The following IFT43 variants were observed in gnomAD, a reference collection of about 807,000 sequenced individuals.
IFT43 encodes intraflagellar transport protein 43 homolog.
IFT43 carries 33 observed loss-of-function variants against 32.3 expected under a neutral mutation model. That is an observed-to-expected ratio of 1.02 (90% CI 0.77 to 1.37). The LOEUF is 1.37. Among genes scored for constraint, IFT43 ranks in the 40% most tolerant of loss-of-function variants. The pLI is 0.00. For missense variants in IFT43, 274 were observed against 265.9 expected, an observed-to-expected ratio of 1.03 and a Z score of -0.21; for synonymous variants, 93 against 98.2, an observed-to-expected ratio of 0.95 and a Z score of 0.31.
chr14:76,000,431 ATT>A (rs530537491), intron 2 of IFT43, among the ~76,000 whole-genome samples: 6 of 143,950 alleles, frequency 4.2e-5, no homozygotes, highest in Admixed American at 7.0e-5. Flanking sequence ...CGCCAGGCTA[ATT>A]TTTTTTTTTT....
chr14:76,063,955 A>T (rs1042375678), intron 5 of IFT43, among the ~76,000 whole-genome samples: 1 of 152,322 alleles, frequency 6.6e-6, no homozygotes, highest in East Asian at 1.9e-4. Context: ...ACTCTGTAGG[A>T]ACTGAGGACC....
chr14:76,044,945 A>G (rs532017323), intron 3 of IFT43, among the ~76,000 whole-genome samples: 1 of 152,306 alleles, frequency 6.6e-6, no homozygotes, highest in South Asian at 2.1e-4. Flanking sequence ...ATTGTAATAC[A>G]GTATATAGCA....
rs1411294288 is a variant in IFT43 at position 75,996,047 on chromosome 14, G to A, written c.147+7070G>A. On this transcript the variant is annotated intron_variant, in intron 2 of 8. Transcript: ENST00000314067. Reference sequence around the variant, plus strand: ...AGCACTGGCTCTGGCTTTGTCAAATGCTCTTGAAGTGCCCCAGGAAAACAT... The same window carrying A: ...AGCACTGGCTCTGGCTTTGTCAAATACTCTTGAAGTGCCCCAGGAAAACAT... Among the ~76,000 whole-genome samples, 27 of 152,192 alleles carry A rather than the reference G, an allele frequency of 1.8e-4. 1 individual carries two copies. The highest frequency in any genetic ancestry group is 1.8e-3 in the Admixed American group (27 of 15,276).
At chr14:76,060,444 C>T (rs1165726451) in intron 5 of IFT43, among the ~76,000 whole-genome samples, 3 of 152,134 alleles carry the variant, frequency 2.0e-5, no homozygotes, top group Non-Finnish European at 4.4e-5. Context: ...GTCTCTAACA[C>T]CTGACCTCAA....
chr14:76,045,226 G>T (rs2036784068), intron 3 of IFT43, among the ~76,000 whole-genome samples: 1 of 152,164 alleles, frequency 6.6e-6, no homozygotes, highest in Non-Finnish European at 1.5e-5. Flanking sequence ...TGTGGAGAGG[G>T]TCTGCTCATC....
At chr14:76,011,424 A>T (rs1423458561) in intron 2 of IFT43, among the ~76,000 whole-genome samples, 1 of 152,216 alleles carries the variant, frequency 6.6e-6, no homozygotes, top group Non-Finnish European at 1.5e-5. Context: ...GGGTGGTGTC[A>T]TGTGTTTCAA....
At chr14:76,079,999 C>T (rs1174131796) in intron 5 of IFT43, among the ~76,000 whole-genome samples, 2 of 152,182 alleles carry the variant, frequency 1.3e-5, no homozygotes, top group African/African-American at 2.4e-5. Context: ...ATTATGTGCT[C>T]ATGAGCACTT....
intron 3 of IFT43, among the ~76,000 whole-genome samples, chr14:76,052,236 T>G (rs1339874085): frequency 6.6e-6 from 1 of 152,254 alleles, no homozygotes; most frequent in East Asian, 1.9e-4. Context: ...GCATCCTGGC[T>G]GTTCTCTGAG....
rs2140099474 is a variant in IFT43 at position 76,082,369 on chromosome 14, T to A, written c.368+2T>A. On this transcript the variant is annotated splice_donor_variant, in intron 6 of 8. Coordinates refer to ENST00000314067, the MANE Select transcript of IFT43 (RefSeq NM_001102564.3). LOFTEE classifies it high-confidence loss of function. ...TTTGCAGGTGGCAGCCCCTCCCAGG[T>A]AGGTTAAATCAGATATGATTGGGGA... 7.0e-6 allele frequency: 11 copies of A among 1,582,510 alleles called. No homozygotes were observed. The highest frequency in any genetic ancestry group is 9.6e-6 in the Non-Finnish European group (11 of 1,151,180).
intron 3 of IFT43, among the ~76,000 whole-genome samples, chr14:76,045,079 T>TG (rs2140017383): frequency 6.6e-6 from 1 of 152,356 alleles, no homozygotes; most frequent in East Asian, 1.9e-4. Context: ...AACACCCACA[T>TG]TGTTCAAGGG....
intron 2 of IFT43, among the ~76,000 whole-genome samples, chr14:75,997,731 T>C (rs1190592430): frequency 6.6e-6 from 1 of 150,388 alleles, no homozygotes; most frequent in East Asian, 2.0e-4. Flanking sequence ...AGAATTCTAT[T>C]AGAAAATAAA....
intron 5 of IFT43, among the ~76,000 whole-genome samples, chr14:76,062,898 A>G (rs1165951351): frequency 7.8e-6 from 1 of 128,632 alleles, no homozygotes; most frequent in East Asian, 2.3e-4. Context: ...AGCCTGGGCA[A>G]CAGAGTGAGA....
At chr14:76,005,170 A>G (rs1033340303) in intron 2 of IFT43, among the ~76,000 whole-genome samples, 2 of 152,240 alleles carry the variant, frequency 1.3e-5, no homozygotes, top group Admixed American at 6.5e-5. Flanking sequence ...ATTGTAGATG[A>G]AAAATTACAG....
chr14:76,074,075 G>A (rs1008037771), intron 5 of IFT43, among the ~76,000 whole-genome samples: 3 of 152,042 alleles, frequency 2.0e-5, no homozygotes, highest in Non-Finnish European at 4.4e-5. Context: ...TATATATAAG[G>A]AAAAATACAA....
At chr14:76,036,459 G>A (rs1290393833) in intron 3 of IFT43, among the ~76,000 whole-genome samples, 12 of 125,294 alleles carry the variant, frequency 9.6e-5, no homozygotes, top group African/African-American at 2.8e-4. Context: ...AGCCTATAAT[G>A]CAGTGGTGTG....
At chr14:76,057,492 A>G (rs1184698994) in intron 3 of IFT43, among the ~76,000 whole-genome samples, 1 of 152,168 alleles carries the variant, frequency 6.6e-6, no homozygotes, top group African/African-American at 2.4e-5. Context: ...TGGCCTCCCA[A>G]AGTATTAGAA....
At chr14:76,062,627 G>A (rs372195970) in intron 5 of IFT43, among the ~76,000 whole-genome samples, 29 of 152,104 alleles carry the variant, frequency 1.9e-4, no homozygotes, top group Non-Finnish European at 3.7e-4. Context: ...TTGAAAATGC[G>A]TTAAGTCAGT....
chr14:76,047,641 C>T (rs1311455301), intron 3 of IFT43, among the ~76,000 whole-genome samples: 3 of 151,796 alleles, frequency 2.0e-5, no homozygotes, highest in Admixed American at 6.6e-5. Flanking sequence ...TTTGTTTTGC[C>T]TAAAAGTAAT....
intron 3 of IFT43, among the ~76,000 whole-genome samples, chr14:76,050,968 T>C (rs1481077487): frequency 6.6e-6 from 1 of 151,996 alleles, no homozygotes; most frequent in Non-Finnish European, 1.5e-5. Flanking sequence ...AAAACAAAGC[T>C]GTCATTTTTA....
Sources: allele counts gnomAD v4.1 joint callset (sites outside exome capture counted in the v4.1 genomes callset), GRCh38; gene constraint gnomAD v4.1.1; transcripts MANE v1.5; gene names NCBI Gene and HGNC (gene_info 2026-07-23, HGNC 2026-07-21).